Variants in DMD observed in about 807,000 individuals in gnomAD.
DMD encodes mutant dystrophin.
Under a neutral mutation model 330.1 loss-of-function variants are expected in DMD, and 63 were observed. The ratio of observed to expected loss-of-function variants is 0.19; its 90% CI spans 0.16 to 0.24. The LOEUF is 0.24. DMD is among the 10% of genes least tolerant of loss of function. DMD has a pLI of 1.00. For synonymous variants in DMD, 1,223 were observed against 959.8 expected (o/e 1.27, Z -5.07); for missense variants, 3,344 against 2,684.1 (o/e 1.25, Z -5.43).
At chrX:31,437,877 C>A (rs1443577189) in intron 60 of DMD, among the ~76,000 whole-genome samples, 2 of 106,554 alleles carry the variant, frequency 1.9e-5, no homozygotes, top group South Asian at 8.1e-4. Context: ...CATATTACAT[C>A]TATATCATAT....
chrX:32,087,438 C>T (rs772107505), intron 44 of DMD, among the ~76,000 whole-genome samples: 2 of 111,154 alleles, frequency 1.8e-5, no homozygotes, highest in East Asian at 2.8e-4. Context: ...TTAAAGGACC[C>T]GCACAGGTAC....
chrX:31,927,809 A>G (rs1183520539), intron 47 of DMD, among the ~76,000 whole-genome samples: 1 of 112,155 alleles, frequency 8.9e-6, no homozygotes, highest in Non-Finnish European at 1.9e-5. Context: ...AATACAATAA[A>G]TAACCTGACA....
At chrX:31,973,281 G>A (rs1223535420) in intron 44 of DMD, among the ~76,000 whole-genome samples, 2 of 106,101 alleles carry the variant, frequency 1.9e-5, no homozygotes, top group Non-Finnish European at 3.9e-5. Context: ...TGGAGAGAAG[G>A]GCAAAATAGT....
At chrX:31,531,332 C>A (rs1162999923) in intron 55 of DMD, among the ~76,000 whole-genome samples, 1 of 57,572 alleles carries the variant, frequency 1.7e-5, no homozygotes, top group Non-Finnish European at 3.0e-5. Context: ...TCCTCTCCAG[C>A]ACCTGTTGTT....
rs1331861896 is a variant in DMD, at chrX:33,108,024, T to C, written c.32-87824A>G. Among the ~76,000 whole-genome samples, 4 of 111,528 alleles carry C rather than the reference T, an allele frequency of 3.6e-5. No individual in the cohort carries two copies. In the Admixed American group the frequency reaches 3.8e-4, roughly 11 times the overall value. On this transcript the variant is annotated intron_variant, in intron 1 of 78. Coordinates refer to ENST00000357033, the MANE Select transcript of DMD (RefSeq NM_004006.3). Reference sequence around the variant, plus strand: ...ATTGATTCATTAAGAGGCAAAATTATGCTAGATATTGTATCAACAATATAT... The same window carrying C: ...ATTGATTCATTAAGAGGCAAAATTACGCTAGATATTGTATCAACAATATAT...
chrX:31,726,723 T>C (rs1158886965), intron 52 of DMD, among the ~76,000 whole-genome samples: 1 of 111,989 alleles, frequency 8.9e-6, no homozygotes, highest in African/African-American at 3.2e-5. Flanking sequence ...CTTGTCAGAA[T>C]TATCCTGGTA....
chrX:31,133,573 A>G (rs1602029478), intron 77 of DMD, among the ~76,000 whole-genome samples: 1 of 112,242 alleles, frequency 8.9e-6, no homozygotes, highest in Middle Eastern at 4.6e-3. Context: ...GAAGTAAAAA[A>G]TAACCAACTA....
At chrX:31,290,209 C>T (rs1032669172) in intron 62 of DMD, among the ~76,000 whole-genome samples, 1 of 110,644 alleles carries the variant, frequency 9.0e-6, no homozygotes, top group Non-Finnish European at 1.9e-5. Context: ...GCATGAGCCA[C>T]CATGCCCAGT....
intron 1 of DMD, among the ~76,000 whole-genome samples, chrX:33,180,515 C>A (rs1410775203): frequency 9.0e-6 from 1 of 111,327 alleles, no homozygotes; most frequent in Non-Finnish European, 1.9e-5. Flanking sequence ...CTACCCATTT[C>A]ATCTTCTTCT....
chrX:32,865,267 A>G (rs2082390779), intron 2 of DMD, among the ~76,000 whole-genome samples: 1 of 111,533 alleles, frequency 9.0e-6, no homozygotes, highest in African/African-American at 3.3e-5. Context: ...TAGGAAGGAA[A>G]TATACATTTA....
chrX:33,010,442 G>T (rs1372897746), intron 2 of DMD, among the ~76,000 whole-genome samples: 1 of 108,762 alleles, frequency 9.2e-6, no homozygotes, highest in African/African-American at 3.4e-5. Context: ...AATCCAAAAT[G>T]CTCCCAAATC....
At chrX:31,241,968 C>G (rs2048340071) in intron 63 of DMD, among the ~76,000 whole-genome samples, 1 of 111,189 alleles carries the variant, frequency 9.0e-6, no homozygotes, top group Non-Finnish European at 1.9e-5. Context: ...TTTTAAAAAT[C>G]TGGAGTGGCC....
At chrX:32,625,388 A>G (rs79449159) in intron 11 of DMD, among the ~76,000 whole-genome samples, 1 of 111,316 alleles carries the variant, frequency 9.0e-6, no homozygotes, top group African/African-American at 3.3e-5. Context: ...ATTATAATTT[A>G]CCTACACATA....
intron 55 of DMD, among the ~76,000 whole-genome samples, chrX:31,513,947 T>C (rs1009790044): frequency 2.7e-5 from 3 of 112,170 alleles, no homozygotes; most frequent in Non-Finnish European, 5.6e-5. Context: ...TAGAACCTCG[T>C]CAGTCAGACT....
At chrX:31,246,026 T>A (rs1467916978) in intron 63 of DMD, among the ~76,000 whole-genome samples, 1 of 112,279 alleles carries the variant, frequency 8.9e-6, no homozygotes, top group Non-Finnish European at 1.9e-5. Context: ...AGGCCTCTCA[T>A]GCCAAACAGT....
intron 62 of DMD, among the ~76,000 whole-genome samples, chrX:31,320,243 C>T (rs112357835): frequency 0.075 from 8,407 of 112,029 alleles, 344 homozygotes; most frequent in Non-Finnish European, 0.12. Context: ...ATAAACACTG[C>T]CTGATTTGCA....
intron 9 of DMD, among the ~76,000 whole-genome samples, chrX:32,683,234 G>A (rs1439190676): frequency 1.8e-5 from 2 of 110,683 alleles, no homozygotes; most frequent in African/African-American, 6.6e-5. Context: ...AGAAGGAGTG[G>A]CGATTCCTCA....
At chrX:31,126,816 A>C (rs1300524771) in intron 77 of DMD, 143 bp from the exon 78 acceptor site, 2 of 491,049 alleles carry the variant, frequency 4.1e-6, no homozygotes, top group South Asian at 3.0e-5. Flanking sequence ...AAAAAAAAAA[A>C]AAAAAAAACA....
At chrX:31,476,108 A>G (rs1252086453) in intron 59 of DMD, among the ~76,000 whole-genome samples, 1 of 108,499 alleles carries the variant, frequency 9.2e-6, no homozygotes, top group Admixed American at 1.0e-4. Flanking sequence ...ACAATTTAGC[A>G]TGCTTGGTGA....
Sources: allele counts gnomAD v4.1 joint callset (sites outside exome capture counted in the v4.1 genomes callset), GRCh38; gene constraint gnomAD v4.1.1; transcripts MANE v1.5; gene names NCBI Gene and HGNC (gene_info 2026-07-23, HGNC 2026-07-21).